Variants in MEA1 observed in about 807,000 individuals in gnomAD.
The protein encoded by MEA1 is Male-enhanced antigen (H-Y structural gene).
In MEA1, 22 loss-of-function variants were observed where a neutral mutation model predicts 21.4. That is an observed-to-expected ratio of 1.03 (90% confidence interval 0.73 to 1.47). MEA1 has a LOEUF of 1.47. MEA1 is among the 40% of genes most tolerant of loss of function. The pLI, the probability that MEA1 is intolerant of heterozygous loss-of-function variation, is 0.00. For missense variants in MEA1, 233 were observed against 230.5 expected, an observed-to-expected ratio of 1.01 and a Z score of -0.07; for synonymous variants, 91 against 85.5, an observed-to-expected ratio of 1.06 and a Z score of -0.35.
upstream of MEA1, among the ~76,000 whole-genome samples, chr6:43,016,192 C>T (rs915209776): frequency 6.6e-6 from 1 of 152,124 alleles, no homozygotes; most frequent in African/African-American, 2.4e-5. Flanking sequence ...CTCGGCCTCT[C>T]AGGGTGCTGG....
Position 43,011,327 on chromosome 6 carries a change from C to CT in MEA1, c.*1142dup. Reference sequence around the variant, plus strand: ...CCACAGGGCCACAGCCCACACAGCCCTGGGACACTGCCCTGGCCCTCCATA... The same window carrying CT: ...CCACAGGGCCACAGCCCACACAGCCCTTGGGACACTGCCCTGGCCCTCCATA... On this transcript the variant is annotated 3_prime_UTR_variant, in exon 4 of 4. Transcript: ENST00000244711. The CT allele has an allele frequency of 6.2e-7, 1 of 1,611,650 alleles. No individual in the cohort carries two copies. The highest frequency in any genetic ancestry group is 8.5e-7 in the Non-Finnish European group (1 of 1,179,272).
At position 43,013,249 on chromosome 6, in the gene MEA1, C is replaced by T. The variant is rs201793021; in HGVS notation, c.169G>A (p.Glu57Lys). 4 of 1,614,214 alleles carry T rather than the reference C, an allele frequency of 2.5e-6. No homozygotes were observed. In the East Asian group the frequency reaches 6.7e-5, roughly 27 times the overall value. The change falls in exon 2 of 4, where the codon GAG (glutamate) becomes AAG (lysine). Residue 57 changes from glutamate (E) to lysine (K), a missense_variant. Glu to Lys is a moderately conservative substitution (Grantham distance 56, BLOSUM62 1). Transcript: ENST00000244711. ...GDWSSEEPEE[E>K]QEETGSGPAG... The stretch of plus-strand genomic sequence containing the variant: ...GGGCCCGACCCCGTTTCCTCCTGCT[C>T]TTCCTCAGGCTCCTCACTGCTCCAA...
Position 43,013,205 on chromosome 6 carries a change from C to A in MEA1, c.213G>T (p.Gln71His). ...TGSGPAGYSYQPLNQDPEQEE... is the reference protein window; with the variant it reads ...TGSGPAGYSYHPLNQDPEQEE... Reference sequence around the variant, plus strand: ...CTTGTTCAGGATCTTGGTTCAGGGGCTGGTAGGAGTAGCCAGCTGGGCCCG... The same window carrying A: ...CTTGTTCAGGATCTTGGTTCAGGGGATGGTAGGAGTAGCCAGCTGGGCCCG... Residue 71 changes from glutamine to histidine, a missense_variant, in exon 2 of 4, where the codon CAG becomes CAT. By Grantham distance (24) the Gln-to-His change is conservative (BLOSUM62 0). Coordinates refer to ENST00000244711, the MANE Select transcript of MEA1 (RefSeq NM_014623.4). 1 of 1,614,154 alleles carries A rather than the reference C, an allele frequency of 6.2e-7. No individual in the cohort carries two copies. The highest frequency in any genetic ancestry group is 8.5e-7 in the Non-Finnish European group (1 of 1,180,024).
Position 43,011,348 on chromosome 6 carries a change from C to A in MEA1, c.*1122G>T, listed in dbSNP as rs947130434. On this transcript the variant is annotated 3_prime_UTR_variant, in exon 4 of 4. Coordinates refer to ENST00000244711, the MANE Select transcript of MEA1 (RefSeq NM_014623.4). ...AGCCCTGGGACACTGCCCTGGCCCT[C>A]CATACTCTGCTCCCTACTGGCTGTC... 17 of 1,601,048 alleles carry A rather than the reference C, an allele frequency of 1.1e-5. No homozygotes were observed. Among genetic ancestry groups the A allele is most frequent in the Non-Finnish European group, 1.4e-5 (17 of 1,172,752 alleles).
At chr6:43,013,079 T>C in intron 2 of MEA1, 36 bp downstream of exon 2, 1 of 1,614,150 alleles carries the variant, frequency 6.2e-7, no homozygotes, top group Non-Finnish European at 8.5e-7. Flanking sequence ...GGAGCCCAGC[T>C]TCACCTGTTC....
chr6:43,013,884 C>A lies in MEA1; in HGVS notation c.-71G>T. On this transcript the variant is annotated 5_prime_UTR_variant, in exon 1 of 4. Transcript: ENST00000244711. ...CCATCCGAATCCCGGCGCCGGTGTT[C>A]CCGCGCGCCTCACCCGCTCAGAGCC... The A allele has an allele frequency of 2.3e-6, 3 of 1,328,868 alleles. No individual in the cohort carries two copies. Among genetic ancestry groups the A allele is most frequent in the Non-Finnish European group, 2.9e-6 (3 of 1,017,392 alleles). The allele number at this position is 1,328,868 out of a possible 1,614,324, so 82.3% of individuals were successfully genotyped here. A position where few individuals can be genotyped will look rare whatever the true frequency, so the allele number is the denominator to read the frequency against.
chr6:43,013,119 A>G lies in MEA1; in HGVS notation c.299T>C (p.Ile100Thr), dbSNP rs768469726. The change falls in exon 2 of 4, where the codon ATC becomes ACC. Residue 100 changes from isoleucine (I) to threonine (T), a missense_variant. Ile to Thr is a moderately conservative substitution (Grantham distance 89). Coordinates refer to ENST00000244711, the MANE Select transcript of MEA1 (RefSeq NM_014623.4). ...GDVVADIQDR[I>T]QALGLHLPDP... ...ACCATCCCTCCTCCACCCTACCTGG[A>G]TTCGATCCTGGATGTCAGCAACTAC... 3.7e-6 allele frequency: 6 copies of G among 1,614,044 alleles called. No homozygotes were observed. The highest frequency in any genetic ancestry group is 5.1e-6 in the Non-Finnish European group (6 of 1,180,026).
chr6:43,012,834 A>C, intron 3 of MEA1, 92 bp downstream of exon 3: 1 of 1,324,304 alleles, frequency 7.6e-7, no homozygotes, highest in Non-Finnish European at 1.1e-6. Flanking sequence ...CTATCTTTTT[A>C]GGATAGGGTC....
In MEA1 at chr6:43,012,614, T is replaced by C; in HGVS notation, c.414A>G (p.Val138=). 2.5e-6 allele frequency: 4 copies of C among 1,597,542 alleles called. No individual in the cohort carries two copies. Among genetic ancestry groups the C allele is most frequent in the East Asian group, 2.2e-5 (1 of 44,724 alleles). The change falls in exon 4 of 4, where the codon GTA becomes GTG. Residue 138 remains valine, a synonymous_variant. Transcript: ENST00000244711. ...CAGCCATTGTCCTTTTCACCAGCTCTACATGTTCTGAAATCAGAGCCAGAG... is the reference window on the plus strand; with the variant it reads ...CAGCCATTGTCCTTTTCACCAGCTCCACATGTTCTGAAATCAGAGCCAGAG... The part of the protein sequence containing the change: ...HSSIPMDPEH[V]ELVKRTMAGV...
rs1266540406 is a variant in MEA1, at chr6:43,013,006, T to C, written c.326A>G (p.Asp109Gly). The C allele has an allele frequency of 1.9e-6, 3 of 1,614,210 alleles. No homozygotes were observed. Among genetic ancestry groups the C allele is most frequent in the Non-Finnish European group, 2.5e-6 (3 of 1,180,046 alleles). Residue 109 changes from aspartate to glycine, a missense_variant, in exon 3 of 4, where the codon GAC becomes GGC. By Grantham distance (94) the Asp-to-Gly change is moderately conservative. Transcript: ENST00000244711. ...RIQALGLHLPDPPLESEDEDE... is the reference protein window; with the variant it reads ...RIQALGLHLPGPPLESEDEDE... ...TTCATCTTCACTCTCTAATGGTGGG[T>C]CTGGCAAATGAAGCCCCAGGGCCTG... is the stretch of plus-strand genomic sequence containing the variant.
intron 1 of MEA1, 63 bp from the exon 2 acceptor site, chr6:43,013,452 C>T: frequency 1.9e-6 from 3 of 1,559,154 alleles, no homozygotes; most frequent in Non-Finnish European, 2.6e-6. Flanking sequence ...TTCATCCTCT[C>T]ATCATCTCCT....
At chr6:43,014,089 A>G, upstream of MEA1, 1 of 1,415,780 alleles carries the variant, frequency 7.1e-7, no homozygotes, top group Non-Finnish European at 9.2e-7. Flanking sequence ...CTCGACACAT[A>G]TTTGCACATG....
chr6:43,014,441 AT>A (rs940490120), upstream of MEA1: 1 of 387,862 alleles, frequency 2.6e-6, no homozygotes, highest in African/African-American at 3.1e-5. Context: ...CCTGAGAGTG[AT>A]GAGGTGGGGG....
Position 43,012,947 on chromosome 6 carries a change from T to C in MEA1, c.385A>G (p.Ser129Gly), listed in dbSNP as rs1169411277. The C allele has an allele frequency of 6.2e-7, 1 of 1,614,142 alleles. No homozygotes were observed. Among genetic ancestry groups the C allele is most frequent in the African/African-American group, 1.3e-5 (1 of 75,056 alleles). Reference protein sequence around the residue: ...EEGATALNNHSSIPMDPEHVE... With the variant: ...EEGATALNNHGSIPMDPEHVE... The stretch of plus-strand genomic sequence containing the variant: ...TTACCTGGGTCCATGGGAATAGAGC[T>C]GTGGTTGTTCAACGCTGTAGCTCCC... The change falls in exon 3 of 4, where the codon AGC becomes GGC. Residue 129 changes from serine (S) to glycine (G), a missense_variant. Transcript: ENST00000244711.
chr6:43,014,179 T>G, upstream of MEA1: 1 of 1,400,922 alleles, frequency 7.1e-7, no homozygotes. Context: ...AGTCCCGAAA[T>G]GCCTCCGGCA....
chr6:43,015,873 AG>A (rs1403477610), upstream of MEA1, among the ~76,000 whole-genome samples: 2 of 150,014 alleles, frequency 1.3e-5, no homozygotes, highest in African/African-American at 4.9e-5. Flanking sequence ...AAAAAAAAAA[AG>A]ACCATGACTT....
chr6:43,013,584 G>T, intron 1 of MEA1, 195 bp from the exon 2 acceptor site: 1 of 815,648 alleles, frequency 1.2e-6, no homozygotes, highest in Non-Finnish European at 1.9e-6. Flanking sequence ...TCTTGAACCA[G>T]GCCCCACCAA....
rs1762479448 is a variant in MEA1 at position 43,013,883 on chromosome 6, T to C, written c.-70A>G. Reference sequence around the variant, plus strand: ...CCCATCCGAATCCCGGCGCCGGTGTTCCCGCGCGCCTCACCCGCTCAGAGC... The same window carrying C: ...CCCATCCGAATCCCGGCGCCGGTGTCCCCGCGCGCCTCACCCGCTCAGAGC... On this transcript the variant is annotated 5_prime_UTR_variant, in exon 1 of 4. Transcript: ENST00000244711. 6.6e-7 allele frequency: 1 copy of C among 1,512,652 alleles called. No homozygotes were observed. The highest frequency in any genetic ancestry group is 1.4e-5 in the African/African-American group (1 of 71,608). The allele number at this position is 1,512,652 out of a possible 1,614,324, so 93.7% of individuals were successfully genotyped here. A position where few individuals can be genotyped will look rare whatever the true frequency, so the allele number is the denominator to read the frequency against.
chr6:43,014,542 G>A (rs1762510856), upstream of MEA1: 1 of 465,582 alleles, frequency 2.1e-6, no homozygotes, highest in African/African-American at 2.0e-5. Flanking sequence ...GGGTAGGAGA[G>A]ACCTGGTGTC....
Sources: allele counts gnomAD v4.1 joint callset (sites outside exome capture counted in the v4.1 genomes callset), GRCh38; gene constraint gnomAD v4.1.1; transcripts MANE v1.5; gene names NCBI Gene and HGNC (gene_info 2026-07-23, HGNC 2026-07-21).